CHERP: variants seen among roughly 807,000 people sequenced by gnomAD.
The protein encoded by CHERP is calcium homeostasis endoplasmic reticulum protein, also known as ERPROT 213-21.
CHERP carries 8 observed loss-of-function variants against 113.8 expected under a neutral mutation model. That is an observed-to-expected ratio of 0.07 (90% CI 0.04 to 0.13). CHERP has a LOEUF of 0.13. Ranked by LOEUF, CHERP falls within the 10% of genes least tolerant of loss-of-function variation. The pLI is 1.00. For missense variants in CHERP, 884 were observed against 1,298.2 expected (o/e 0.68, Z 4.90); for synonymous variants, 559 against 524.5 (o/e 1.07, Z -0.90).
chr19:16,531,565 G>T (rs954778415), intron 5 of CHERP, among the ~76,000 whole-genome samples: 5 of 152,214 alleles, frequency 3.3e-5, no homozygotes, highest in African/African-American at 4.8e-5. Context: ...CTTGCCGCAG[G>T]GGGCTCAGGG....
At position 16,530,110 on chromosome 19, in the gene CHERP, C is replaced by T. The variant is rs146188389; in HGVS notation, c.877-210G>A. ...TTGGGGATGAGGATGTTCGCTGCAG[C>T]GTGTTTTACGACTCCCTGATAACAG... On this transcript the variant is annotated intron_variant, in intron 7 of 16. Coordinates refer to ENST00000546361, the MANE Select transcript of CHERP (RefSeq NM_006387.6). The surrounding 1 kb of genome is among the most constrained non-coding windows in gnomAD (Gnocchi z 4.1). Among the ~76,000 whole-genome samples, 435 of 152,310 alleles carry T rather than the reference C, an allele frequency of 2.9e-3. 11 individuals carry two copies. The East Asian group carries it at 0.07, about 24-fold the overall frequency.
chr19:16,537,161 G>A (rs542899078), intron 2 of CHERP, among the ~76,000 whole-genome samples: 1 of 151,806 alleles, frequency 6.6e-6, no homozygotes, highest in Admixed American at 6.6e-5. Flanking sequence ...GTGCCTGCTT[G>A]CCACTCCCCG....
Position 16,535,343 on chromosome 19 carries a change from G to A in CHERP, c.384+109C>T, listed in dbSNP as rs990785729. 1.6e-6 allele frequency: 2 copies of A among 1,212,486 alleles called. No homozygotes were observed. Among genetic ancestry groups the A allele is most frequent in the Non-Finnish European group, 2.3e-6 (2 of 867,300 alleles). The allele number at this position is 1,212,486 out of a possible 1,614,324, so 75.1% of individuals were successfully genotyped here. ...ACATGCACCGAGCCCTGGGTGGCAG[G>A]GGGGGCCCTGTCCTCACTGACACCT... is the stretch of plus-strand genomic sequence containing the variant. On this transcript the variant is annotated intron_variant, in intron 3 of 16. Transcript: ENST00000546361. This position sits in a 1 kb window ranked among gnomAD's most constrained non-coding sequence, Gnocchi z 4.3.
chr19:16,521,399 G>T (rs545394967), intron 12 of CHERP, 122 bp downstream of exon 12: 2 of 846,630 alleles, frequency 2.4e-6, no homozygotes, highest in South Asian at 1.9e-5. Flanking sequence ...ACTCAGGCGG[G>T]GGGAGGGCAG....
intron 2 of CHERP, among the ~76,000 whole-genome samples, chr19:16,540,377 C>CCTTTTCTTTTTCTTTCT (rs2085770400): frequency 1.4e-5 from 2 of 146,980 alleles, no homozygotes; most frequent in East Asian, 2.0e-4. Context: ...TCCTTTCAAG[C>CCTTTTCTTTTTCTTTCT]TGCTTTTTTT....
intron 11 of CHERP, among the ~76,000 whole-genome samples, chr19:16,522,313 T>C (rs1476540490): frequency 5.3e-5 from 8 of 150,994 alleles, no homozygotes; most frequent in South Asian, 2.1e-4. Context: ...GGCTGGAGTG[T>C]AGTGGCGTGA....
At chr19:16,537,571 T>C (rs190688579) in intron 2 of CHERP, among the ~76,000 whole-genome samples, 70 of 152,230 alleles carry the variant, frequency 4.6e-4, no homozygotes, top group African/African-American at 1.6e-3. Flanking sequence ...CGCACCATGG[T>C]TGGCACCACC....
chr19:16,530,935 C>T lies in CHERP; in HGVS notation c.675-55G>A, dbSNP rs779490413. The T allele has an allele frequency of 2.1e-4, 326 of 1,589,750 alleles. No homozygotes were observed. The highest frequency in any genetic ancestry group is 2.5e-4 in the Non-Finnish European group (295 of 1,169,932). ...GGCCCTGGGGCGGGACCCGGCCACG[C>T]GCCCGTTACCATCGCGGCTCCAGCC... On this transcript the variant is annotated intron_variant, in intron 5 of 16. Transcript: ENST00000546361. The surrounding 1 kb of genome is among the most constrained non-coding windows in gnomAD (Gnocchi z 4.1).
chr19:16,537,181 C>T (rs1308486838), intron 2 of CHERP, among the ~76,000 whole-genome samples: 1 of 148,476 alleles, frequency 6.7e-6, no homozygotes, highest in Non-Finnish European at 1.5e-5. Context: ...GCACCCCCCT[C>T]CTTCCCCCAG....
chr19:16,534,434 A>G (rs2085727839), intron 3 of CHERP, among the ~76,000 whole-genome samples: 1 of 151,318 alleles, frequency 6.6e-6, no homozygotes, highest in South Asian at 2.1e-4. Context: ...GAGGTTTGGT[A>G]TTCTATTCCT....
intron 2 of CHERP, 58 bp downstream of exon 2, chr19:16,541,812 C>A (rs1038159346): frequency 1.9e-5 from 30 of 1,552,360 alleles, no homozygotes; most frequent in Non-Finnish European, 2.6e-5. Flanking sequence ...AGAGCCCGGA[C>A]TGGAATCCGA....
chr19:16,529,302 G>A (rs2085679522), intron 8 of CHERP, among the ~76,000 whole-genome samples: 1 of 152,216 alleles, frequency 6.6e-6, no homozygotes, highest in Admixed American at 6.5e-5. Context: ...ACAAGCGTAA[G>A]CCACCATGCC....
In CHERP at chr19:16,528,212, G is replaced by A. The variant is rs768819444; in HGVS notation, c.1173C>T (p.Tyr391=). The change falls in exon 9 of 17, where the codon TAC becomes TAT. Residue 391 remains tyrosine, a synonymous_variant. Transcript: ENST00000546361. The stretch of plus-strand genomic sequence containing the variant: ...GATCCTGGACCCCTCCTGGAGCTTC[G>A]TACTCTGAAGAGCCAGGCATCTGGA... ...PPIQMPGSSE[Y]EAPGGVQDPA... 16 of 1,600,786 alleles carry A rather than the reference G, an allele frequency of 1.0e-5. No homozygotes were observed. The highest frequency in any genetic ancestry group is 4.0e-5 in the African/African-American group (3 of 74,188).
chr19:16,533,906 A>G (rs1233436345), intron 3 of CHERP, among the ~76,000 whole-genome samples: 3 of 152,218 alleles, frequency 2.0e-5, no homozygotes, highest in African/African-American at 7.2e-5. Flanking sequence ...GGGCAATCTC[A>G]TTCCTCAAGA....
In CHERP at chr19:16,528,176, G is replaced by A. The variant is rs746988306; in HGVS notation, c.1209C>T (p.Ala403=). 19 of 1,613,060 alleles carry A rather than the reference G, an allele frequency of 1.2e-5. No homozygotes were observed. Among genetic ancestry groups the A allele is most frequent in the Admixed American group, 1.0e-4 (6 of 59,912 alleles). ...APGGVQDPAA[A]GPRGPGPHDQ... ...CGTGTGGCCCGGGGCCCCGGGGGCC[G>A]GCAGCTGCAGGATCCTGGACCCCTC... Residue 403 remains alanine, a synonymous_variant, in exon 9 of 17, where the codon GCC becomes GCT. Coordinates refer to ENST00000546361, the MANE Select transcript of CHERP (RefSeq NM_006387.6).
At position 16,532,479 on chromosome 19, in the gene CHERP, G is replaced by A. The variant is rs1448581530; in HGVS notation, c.674+119C>T. 4.7e-6 allele frequency: 6 copies of A among 1,280,474 alleles called. No individual in the cohort carries two copies. The highest frequency in any genetic ancestry group is 4.5e-5 in the African/African-American group (3 of 66,576). 79.3% of individuals were successfully genotyped at this position (1,280,474 alleles called of 1,614,324 possible). On this transcript the variant is annotated intron_variant, in intron 5 of 16. Transcript: ENST00000546361. The surrounding 1 kb of genome is among the most constrained non-coding windows in gnomAD (Gnocchi z 4.4). ...CCCCCCACCCGGGGTCCCCGGACAAGTGCCCCCTAGTCTCGGGACAGGCCA... is the reference window on the plus strand; with the variant it reads ...CCCCCCACCCGGGGTCCCCGGACAAATGCCCCCTAGTCTCGGGACAGGCCA...
intron 12 of CHERP, 45 bp downstream of exon 12, chr19:16,521,476 G>T: frequency 2.0e-6 from 3 of 1,491,628 alleles, no homozygotes; most frequent in Non-Finnish European, 2.7e-6. Context: ...AGCCGGGAGA[G>T]GGGACAGAGG....
rs540718363 is a variant in CHERP at position 16,525,797 on chromosome 19, G to A, written c.1306-120C>T. ...ACCATGGAGGCGCTGCCCTGGCCAC[G>A]TTGAGGCGCCTCCTACGCTGACGCC... On this transcript the variant is annotated intron_variant, in intron 9 of 16. Transcript: ENST00000546361. This position sits in a 1 kb window ranked among gnomAD's most constrained non-coding sequence, Gnocchi z 6.5. The A allele has an allele frequency of 4.4e-6, 4 of 918,870 alleles. No homozygotes were observed. Among genetic ancestry groups the A allele is most frequent in the South Asian group, 4.1e-5 (2 of 49,238 alleles). 56.9% of individuals were successfully genotyped at this position (918,870 alleles called of 1,614,324 possible).
chr19:16,524,751 A>G (rs920983692), intron 10 of CHERP, among the ~76,000 whole-genome samples: 7 of 151,918 alleles, frequency 4.6e-5, no homozygotes, highest in African/African-American at 1.7e-4. Context: ...TTTTTTTAAA[A>G]AAGAAAAGTA....
Sources: allele counts gnomAD v4.1 joint callset (sites outside exome capture counted in the v4.1 genomes callset), GRCh38; gene constraint gnomAD v4.1.1; non-coding constraint Gnocchi (gnomAD v3.1); transcripts MANE v1.5; gene names NCBI Gene and HGNC (gene_info 2026-07-23, HGNC 2026-07-21).